The following ACTR2 variants were observed in gnomAD, a reference collection of about 807,000 sequenced individuals.
ACTR2 encodes the protein actin-related protein 2.
ACTR2 carries 5 observed loss-of-function variants against 50.2 expected under a neutral mutation model. That is an observed-to-expected ratio of 0.10 (90% CI 0.05 to 0.21). The LOEUF (loss-of-function observed/expected upper bound fraction) is 0.21, where lower values mean the gene tolerates loss of function less well. Among genes scored for constraint, ACTR2 ranks in the 10% least tolerant of loss-of-function variants. ACTR2 has a pLI of 1.00. For missense variants in ACTR2, 180 were observed against 480.6 expected (o/e 0.37, Z 5.85); for synonymous variants, 140 against 162.9 (o/e 0.86, Z 1.07).
chr2:65,249,709 A>G (rs1021654754), intron 3 of ACTR2, among the ~76,000 whole-genome samples: 23 of 152,140 alleles, frequency 1.5e-4, no homozygotes, highest in African/African-American at 5.6e-4. Context: ...CAAAAAAAAA[A>G]TCATGCAGGA....
chr2:65,227,908 C>T lies in ACTR2; in HGVS notation c.-2C>T. Reference sequence around the variant, plus strand: ...CTGCAGCGGCTCTTCCCTGGGCGGACGATGGACAGCCAGGGCAGGAAGGTG... The same window carrying T: ...CTGCAGCGGCTCTTCCCTGGGCGGATGATGGACAGCCAGGGCAGGAAGGTG... On this transcript the variant is annotated 5_prime_UTR_variant, in exon 1 of 9. In the 5' UTR this introduces an upstream ATG that the reference lacks. Coordinates refer to ENST00000260641, the MANE Select transcript of ACTR2 (RefSeq NM_005722.4). 8 of 1,521,458 alleles carry T rather than the reference C, an allele frequency of 5.3e-6. No homozygotes were observed. The highest frequency in any genetic ancestry group is 7.0e-6 in the Non-Finnish European group (8 of 1,135,020). 94.2% of individuals were successfully genotyped at this position (1,521,458 alleles called of 1,614,324 possible). A position where few individuals can be genotyped will look rare whatever the true frequency, so the allele number is the denominator to read the frequency against.
intron 2 of ACTR2, chr2:65,242,730 C>T (rs1479349511): frequency 4.4e-6 from 2 of 451,678 alleles, no homozygotes; most frequent in African/African-American, 4.0e-5. Context: ...GCTTGCTGGT[C>T]TTATCTCAGA....
chr2:65,230,066 T>G (rs1180220178), intron 1 of ACTR2, among the ~76,000 whole-genome samples: 1 of 152,178 alleles, frequency 6.6e-6, no homozygotes, highest in African/African-American at 2.4e-5. Context: ...AAAATGTTCT[T>G]TATTTGAACA....
intron 3 of ACTR2, among the ~76,000 whole-genome samples, chr2:65,248,234 T>C (rs1051257683): frequency 2.6e-4 from 39 of 152,088 alleles, no homozygotes; most frequent in Non-Finnish European, 2.2e-4. Context: ...ACGCCATCTC[T>C]ACTAAAAATA....
chr2:65,228,819 C>T (rs1441219207), intron 1 of ACTR2, among the ~76,000 whole-genome samples: 1 of 152,144 alleles, frequency 6.6e-6, no homozygotes, highest in Non-Finnish European at 1.5e-5. Flanking sequence ...AAAATTGTTT[C>T]TGTAATCCCA....
At position 65,269,010 on chromosome 2, in the gene ACTR2, A is replaced by G. The variant is rs190577; in HGVS notation, c.*276A>G. The stretch of plus-strand genomic sequence containing the variant: ...CTAAGTAGGCATTTAGATCATTCCT[A>G]TAGGCTTCCTATTTTCACTTTACTG... On this transcript the variant is annotated 3_prime_UTR_variant, in exon 9 of 9. Transcript: ENST00000260641. The G allele has an allele frequency of 0.85, 271,031 of 320,334 alleles. 114,780 individuals carry two copies. The highest frequency in any genetic ancestry group is 0.89 in the African/African-American group (41,152 of 46,124). 19.8% of individuals were successfully genotyped at this position (320,334 alleles called of 1,614,324 possible).
chr2:65,257,954 C>T (rs1428968027), intron 6 of ACTR2, among the ~76,000 whole-genome samples: 1 of 152,174 alleles, frequency 6.6e-6, no homozygotes, highest in Non-Finnish European at 1.5e-5. Flanking sequence ...TTAATTAGAA[C>T]CCATTTGTCA....
intron 3 of ACTR2, among the ~76,000 whole-genome samples, chr2:65,250,276 A>G (rs1232801123): frequency 6.6e-6 from 1 of 151,940 alleles, no homozygotes; most frequent in Admixed American, 6.6e-5. Context: ...AGGCAGGAGA[A>G]TGGCGTGAAC....
chr2:65,229,629 G>A (rs774539103), intron 1 of ACTR2, among the ~76,000 whole-genome samples: 2 of 151,500 alleles, frequency 1.3e-5, no homozygotes, highest in African/African-American at 2.4e-5. Context: ...GGTGGTGGGC[G>A]TCTGTAATCC....
At chr2:65,249,065 GT>G (rs1480568584) in intron 3 of ACTR2, among the ~76,000 whole-genome samples, 2 of 152,072 alleles carry the variant, frequency 1.3e-5, no homozygotes, top group East Asian at 1.9e-4. Context: ...GAAATAAGCA[GT>G]TACAGAGGAA....
intron 2 of ACTR2, among the ~76,000 whole-genome samples, chr2:65,241,170 A>C (rs35291688): frequency 0.13 from 20,120 of 152,108 alleles, 1,862 homozygotes; most frequent in Non-Finnish European, 0.2. Flanking sequence ...AATGAATTCT[A>C]TCTTAAATGA....
intron 1 of ACTR2, among the ~76,000 whole-genome samples, chr2:65,237,972 C>T (rs534619423): frequency 1.9e-4 from 29 of 152,062 alleles, no homozygotes; most frequent in African/African-American, 2.2e-4. Context: ...CCAGCCTGGG[C>T]GACAGAGTGA....
chr2:65,255,715 AT>A, intron 6 of ACTR2, 21 bp downstream of exon 6: 1 of 1,595,802 alleles, frequency 6.3e-7, no homozygotes, highest in Non-Finnish European at 8.6e-7. Context: ...CCAGTGTATA[AT>A]ATATATGTGT....
chr2:65,271,118 T>G lies in ACTR2; in HGVS notation c.*2384T>G, dbSNP rs1251241138. ...TTCTTTAAAACATGGTTTTGGTGGT[T>G]AACTTTTACACAGTTCTGAGTACTG... On this transcript the variant is annotated 3_prime_UTR_variant, in exon 9 of 9. Coordinates refer to ENST00000260641, the MANE Select transcript of ACTR2 (RefSeq NM_005722.4). The G allele has an allele frequency of 6.6e-6, 1 of 152,218 alleles. No homozygotes were observed. Among genetic ancestry groups the G allele is most frequent in the East Asian group, 1.9e-4 (1 of 5,202 alleles). 9.4% of individuals were successfully genotyped at this position (152,218 alleles called of 1,614,324 possible).
Position 65,269,497 on chromosome 2 carries a change from GATTT to G in ACTR2, c.*768_*771del, listed in dbSNP as rs1672451200. The G allele has an allele frequency of 6.6e-6, 1 of 152,098 alleles. No individual in the cohort carries two copies. Among genetic ancestry groups the G allele is most frequent in the Admixed American group, 6.6e-5 (1 of 15,258 alleles). 9.4% of individuals were successfully genotyped at this position (152,098 alleles called of 1,614,324 possible). On this transcript the variant is annotated 3_prime_UTR_variant, in exon 9 of 9. Transcript: ENST00000260641. ...GTATTCCATTACTATGTGGCTTAGG[GATTT>G]ATTTGTTTTTTAAAATCAACCATGT... is the stretch of plus-strand genomic sequence containing the variant.
chr2:65,268,828 C>T lies in ACTR2; in HGVS notation c.*94C>T, dbSNP rs531370847. The T allele has an allele frequency of 1.5e-6, 2 of 1,302,820 alleles. No individual in the cohort carries two copies. Among genetic ancestry groups the T allele is most frequent in the South Asian group, 1.4e-5 (1 of 69,436 alleles). The allele number at this position is 1,302,820 out of a possible 1,614,324, so 80.7% of individuals were successfully genotyped here. On this transcript the variant is annotated 3_prime_UTR_variant, in exon 9 of 9. Transcript: ENST00000260641. ...ATTCAACTCCAGGACATGGAAGAGGCCTCTCTCTGCCCTTTGACTGGAAAG... is the reference window on the plus strand; with the variant it reads ...ATTCAACTCCAGGACATGGAAGAGGTCTCTCTCTGCCCTTTGACTGGAAAG...
intron 2 of ACTR2, among the ~76,000 whole-genome samples, chr2:65,243,900 C>A (rs372881025): frequency 6.6e-6 from 1 of 152,064 alleles, no homozygotes; most frequent in East Asian, 1.9e-4. Context: ...CTGATCTGAT[C>A]ACTTATAACT....
At chr2:65,257,351 G>A (rs1345053943) in intron 6 of ACTR2, among the ~76,000 whole-genome samples, 3 of 152,168 alleles carry the variant, frequency 2.0e-5, no homozygotes, top group Non-Finnish European at 4.4e-5. Flanking sequence ...GTCTAACGTT[G>A]ATGGGCATTT....
rs913182814 is a variant in ACTR2, at chr2:65,269,871, C to T, written c.*1137C>T. 1.3e-5 allele frequency: 2 copies of T among 152,068 alleles called. No individual in the cohort carries two copies. The highest frequency in any genetic ancestry group is 4.8e-5 in the African/African-American group (2 of 41,404). The allele number at this position is 152,068 out of a possible 1,614,324, so 9.4% of individuals were successfully genotyped here. On this transcript the variant is annotated 3_prime_UTR_variant, in exon 9 of 9. Coordinates refer to ENST00000260641, the MANE Select transcript of ACTR2 (RefSeq NM_005722.4). ...TGTTTTGATTTGAAACCTGGAAATA[C>T]AGTAAAATTTGACTGTTTAAAATGT...
Sources: allele counts gnomAD v4.1 joint callset (sites outside exome capture counted in the v4.1 genomes callset), GRCh38; gene constraint gnomAD v4.1.1; transcripts MANE v1.5; gene names NCBI Gene and HGNC (gene_info 2026-07-23, HGNC 2026-07-21).